Variants in RFX3 observed in about 807,000 individuals in gnomAD.
The protein encoded by RFX3 is transcription factor RFX3.
A neutral mutation model predicts 98.6 loss-of-function variants in RFX3; 14 were observed. The ratio of observed to expected loss-of-function variants is 0.14; its 90% CI spans 0.09 to 0.22. The LOEUF (loss-of-function observed/expected upper bound fraction) is 0.22, where lower values mean the gene tolerates loss of function less well. Among genes scored for constraint, RFX3 ranks in the 10% least tolerant of loss-of-function variants. The probability of loss-of-function intolerance (pLI) is 1.00; values close to 1 mark genes in which losing one functional copy is unlikely to be tolerated. For synonymous variants in RFX3, 383 were observed against 328.4 expected, an observed-to-expected ratio of 1.17 and a Z score of -1.80; for missense variants, 639 against 926.9, an observed-to-expected ratio of 0.69 and a Z score of 4.03.
intron 11 of RFX3, among the ~76,000 whole-genome samples, chr9:3,266,569 C>T (rs993611510): frequency 6.6e-6 from 1 of 151,938 alleles, no homozygotes; most frequent in Non-Finnish European, 1.5e-5. Context: ...AACATTTTTG[C>T]TTACAGCAAC....
At chr9:3,273,729 G>A (rs921530440) in intron 9 of RFX3, among the ~76,000 whole-genome samples, 1 of 151,914 alleles carries the variant, frequency 6.6e-6, no homozygotes, top group Non-Finnish European at 1.5e-5. Flanking sequence ...GTGGGGCGTG[G>A]TGGTGCATGC....
intron 1 of RFX3, among the ~76,000 whole-genome samples, chr9:3,439,338 T>C (rs968389961): frequency 1.3e-5 from 2 of 151,758 alleles, no homozygotes; most frequent in African/African-American, 4.8e-5. Context: ...TTCATTGAAA[T>C]AGAAAACAGA....
At position 3,224,943 on chromosome 9, in the gene RFX3, G is replaced by A. The variant is rs911938827; in HGVS notation, c.*99C>T. ...AAAAAGTTAATGTTCAGCACAGATA[G>A]AATTTGACAACAGTCGACCTTCAGG... On this transcript the variant is annotated 3_prime_UTR_variant, in exon 17 of 17. Transcript: ENST00000617270. The A allele has an allele frequency of 6.7e-6, 8 of 1,194,306 alleles. No homozygotes were observed. The highest frequency in any genetic ancestry group is 9.6e-6 in the Non-Finnish European group (8 of 829,250). 74.0% of individuals were successfully genotyped at this position (1,194,306 alleles called of 1,614,324 possible). A position where few individuals can be genotyped will look rare whatever the true frequency, so the allele number is the denominator to read the frequency against.
At chr9:3,289,474 CA>C (rs1175833405) in intron 6 of RFX3, among the ~76,000 whole-genome samples, 2 of 151,900 alleles carry the variant, frequency 1.3e-5, no homozygotes, top group Admixed American at 6.6e-5. Flanking sequence ...TAAGCAAAAC[CA>C]AAAAATTCCA....
intron 14 of RFX3, among the ~76,000 whole-genome samples, chr9:3,250,952 T>A (rs1055009454): frequency 6.6e-6 from 1 of 152,166 alleles, no homozygotes; most frequent in East Asian, 1.9e-4. Flanking sequence ...CTAGTATTAG[T>A]TACTTTAAAT....
At chr9:3,463,720 C>A (rs949056551) in intron 1 of RFX3, among the ~76,000 whole-genome samples, 8 of 152,000 alleles carry the variant, frequency 5.3e-5, no homozygotes, top group Non-Finnish European at 1.0e-4. Flanking sequence ...CTTATAATCC[C>A]AACACTTTGG....
intron 1 of RFX3, among the ~76,000 whole-genome samples, chr9:3,463,883 G>C (rs116285116): frequency 0.015 from 2,318 of 152,182 alleles, 44 homozygotes; most frequent in African/African-American, 0.036. Flanking sequence ...TGAGGTGGGA[G>C]GATTGTTTGG....
intron 1 of RFX3, among the ~76,000 whole-genome samples, chr9:3,499,806 G>C (rs766198747): frequency 6.6e-6 from 1 of 152,008 alleles, no homozygotes; most frequent in Admixed American, 6.6e-5. Flanking sequence ...ATCTATCCAG[G>C]ACTTTCCACG....
intron 7 of RFX3, among the ~76,000 whole-genome samples, chr9:3,287,879 T>C (rs542283386): frequency 6.6e-6 from 1 of 152,142 alleles, no homozygotes; most frequent in East Asian, 1.9e-4. Context: ...TTGTGTTTCA[T>C]TTCCCTGTCT....
intron 2 of RFX3, among the ~76,000 whole-genome samples, chr9:3,362,607 C>T (rs1198899353): frequency 1.3e-5 from 2 of 152,172 alleles, no homozygotes; most frequent in Non-Finnish European, 2.9e-5. Context: ...TACATGATTG[C>T]TATAGGCAAC....
chr9:3,484,782 G>A (rs1237454139), intron 1 of RFX3, among the ~76,000 whole-genome samples: 1 of 152,008 alleles, frequency 6.6e-6, no homozygotes, highest in Non-Finnish European at 1.5e-5. Context: ...GTAAAATTTG[G>A]GCAGTTAAAT....
intron 1 of RFX3, among the ~76,000 whole-genome samples, chr9:3,452,929 T>C (rs1192359517): frequency 2.6e-5 from 4 of 152,168 alleles, no homozygotes; most frequent in Admixed American, 6.6e-5. Context: ...AGTTCTTTTG[T>C]ACCAAATCAG....
At chr9:3,297,810 T>C (rs995769619) in intron 5 of RFX3, among the ~76,000 whole-genome samples, 26 of 151,978 alleles carry the variant, frequency 1.7e-4, no homozygotes, top group African/African-American at 6.0e-4. Context: ...GAGCTTTTCA[T>C]AAACTTTAAA....
intron 4 of RFX3, among the ~76,000 whole-genome samples, chr9:3,319,985 A>G (rs1197585553): frequency 6.6e-6 from 1 of 152,204 alleles, no homozygotes; most frequent in Admixed American, 6.5e-5. Flanking sequence ...TCACTGTCTA[A>G]ACTTTCAACA....
rs989971761 is a variant in RFX3 at position 3,336,889 on chromosome 9, G to A, written c.216-6372C>T. Among the ~76,000 whole-genome samples the A allele has an allele frequency of 3.3e-5, 5 of 152,188 alleles. No homozygotes were observed. The East Asian group carries it at 5.8e-4, about 18-fold the overall frequency. The stretch of plus-strand genomic sequence containing the variant: ...CATTTTTAGAAATTTTGTTTTTATC[G>A]TAAGAGAATATACACATAAATGATT... On this transcript the variant is annotated intron_variant, in intron 3 of 16. Coordinates refer to ENST00000617270, the MANE Select transcript of RFX3 (RefSeq NM_001282116.2).
chr9:3,406,518 A>G (rs1485417837), intron 1 of RFX3, among the ~76,000 whole-genome samples: 1 of 151,950 alleles, frequency 6.6e-6, no homozygotes, highest in Non-Finnish European at 1.5e-5. Flanking sequence ...CTCTCCAACA[A>G]GACTATAAAC....
intron 1 of RFX3, among the ~76,000 whole-genome samples, chr9:3,524,319 G>T (rs1412068124): frequency 6.6e-6 from 1 of 152,036 alleles, no homozygotes; most frequent in Non-Finnish European, 1.5e-5. Context: ...CAAATCTACA[G>T]AGAAAAATAA....
intron 2 of RFX3, among the ~76,000 whole-genome samples, chr9:3,388,062 T>C (rs1009949074): frequency 1.3e-5 from 2 of 152,136 alleles, no homozygotes; most frequent in African/African-American, 4.8e-5. Context: ...ACTGATTGCT[T>C]TAATGACAAT....
intron 4 of RFX3, among the ~76,000 whole-genome samples, chr9:3,302,503 G>A (rs1171996362): frequency 1.3e-5 from 2 of 151,550 alleles, no homozygotes; most frequent in African/African-American, 2.4e-5. Flanking sequence ...TGGATACTGA[G>A]CTATATTAAC....
Sources: allele counts gnomAD v4.1 joint callset (sites outside exome capture counted in the v4.1 genomes callset), GRCh38; gene constraint gnomAD v4.1.1; transcripts MANE v1.5; gene names NCBI Gene and HGNC (gene_info 2026-07-23, HGNC 2026-07-21).